The following PGCKA1 variants were observed in gnomAD, a reference collection of about 807,000 sequenced individuals.
The protein encoded by PGCKA1 is PDCD10 and GCKIII kinases-associated protein 1.
the PGCKA1 span, among the ~76,000 whole-genome samples, chr4:37,582,161 T>C: frequency 6.6e-6 from 1 of 152,192 alleles, no homozygotes; most frequent in Admixed American, 6.5e-5. Context: ...AGTTCAAGAT[T>C]GTCTTTCCTA....
chr4:37,473,097 A>G, the PGCKA1 span, among the ~76,000 whole-genome samples: 17 of 152,316 alleles, frequency 1.1e-4, no homozygotes, highest in Non-Finnish European at 2.4e-4. Flanking sequence ...AAGTATACAT[A>G]GGGAAAATTA....
chr4:37,527,722 T>A, the PGCKA1 span, among the ~76,000 whole-genome samples: 1 of 150,410 alleles, frequency 6.6e-6, no homozygotes, highest in Non-Finnish European at 1.5e-5. Flanking sequence ...CCCAGCTACT[T>A]GGGAGGCTGA....
chr4:37,482,822 G>A, the PGCKA1 span, among the ~76,000 whole-genome samples: 423 of 152,306 alleles, frequency 2.8e-3, 3 homozygotes, highest in African/African-American at 9.7e-3. Context: ...CTGTATCTCA[G>A]CTGCTTAGTT....
At chr4:37,493,952 C>T in the PGCKA1 span, among the ~76,000 whole-genome samples, 1 of 152,152 alleles carries the variant, frequency 6.6e-6, no homozygotes, top group South Asian at 2.1e-4. Flanking sequence ...TTATGTACCA[C>T]ATTTTCTTTA....
chr4:37,467,881 C>T, the PGCKA1 span, among the ~76,000 whole-genome samples: 3 of 152,192 alleles, frequency 2.0e-5, no homozygotes, highest in African/African-American at 2.4e-5. Flanking sequence ...GATTTCAGAT[C>T]TGAGGCAACA....
the PGCKA1 span, among the ~76,000 whole-genome samples, chr4:37,461,671 G>T: frequency 6.6e-6 from 1 of 151,982 alleles, no homozygotes; most frequent in Non-Finnish European, 1.5e-5. Context: ...GTAAAAGGAA[G>T]TTATGTGAGA....
the PGCKA1 span, among the ~76,000 whole-genome samples, chr4:37,479,334 A>T: frequency 7.2e-5 from 11 of 152,116 alleles, no homozygotes; most frequent in African/African-American, 2.7e-4. Flanking sequence ...GTTCCTAAGG[A>T]CCCAAAACCT....
the PGCKA1 span, among the ~76,000 whole-genome samples, chr4:37,548,373 T>C: frequency 1.3e-5 from 2 of 152,154 alleles, no homozygotes; most frequent in Admixed American, 6.5e-5. Flanking sequence ...GTTTTAAAAG[T>C]TTAAGCAAGT....
the PGCKA1 span, among the ~76,000 whole-genome samples, chr4:37,453,560 T>C: frequency 6.6e-6 from 1 of 152,102 alleles, no homozygotes; most frequent in Non-Finnish European, 1.5e-5. Context: ...TACACAACTA[T>C]TTGCCAGCGG....
At chr4:37,519,871 A>G in the PGCKA1 span, among the ~76,000 whole-genome samples, 27 of 152,310 alleles carry the variant, frequency 1.8e-4, no homozygotes, top group Non-Finnish European at 3.7e-4. Flanking sequence ...ACTTTTCGCC[A>G]TTCAATATGA....
At chr4:37,487,249 C>T in the PGCKA1 span, among the ~76,000 whole-genome samples, 1 of 152,180 alleles carries the variant, frequency 6.6e-6, no homozygotes, top group East Asian at 1.9e-4. Flanking sequence ...TGAACATTTT[C>T]AAGCTACAGA....
chr4:37,556,539 G>T, the PGCKA1 span, among the ~76,000 whole-genome samples: 3 of 152,126 alleles, frequency 2.0e-5, no homozygotes, highest in Non-Finnish European at 4.4e-5. Context: ...TGAGTGCTGG[G>T]ATTACAAGCA....
At chr4:37,548,075 CTGAAA>C in the PGCKA1 span, among the ~76,000 whole-genome samples, 5 of 150,566 alleles carry the variant, frequency 3.3e-5, no homozygotes, top group African/African-American at 1.2e-4. Context: ...AATTCTTGTC[CTGAAA>C]TAAATTAACT....
chr4:37,469,230 G>T, the PGCKA1 span, among the ~76,000 whole-genome samples: 1 of 152,110 alleles, frequency 6.6e-6, no homozygotes, highest in East Asian at 1.9e-4. Flanking sequence ...ATCACCTAGC[G>T]ACACCTTTCT....
chr4:37,576,093 C>A, the PGCKA1 span, among the ~76,000 whole-genome samples: 3 of 151,970 alleles, frequency 2.0e-5, no homozygotes, highest in Non-Finnish European at 4.4e-5. Context: ...TTTGTGGTTC[C>A]ACATACATTT....
chr4:37,530,184 T>G, the PGCKA1 span, among the ~76,000 whole-genome samples: 1 of 152,248 alleles, frequency 6.6e-6, no homozygotes, highest in Non-Finnish European at 1.5e-5. Flanking sequence ...AACCTGTGAT[T>G]CCTAACATTT....
the PGCKA1 span, among the ~76,000 whole-genome samples, chr4:37,480,452 C>T: frequency 5.3e-5 from 8 of 152,180 alleles, no homozygotes; most frequent in African/African-American, 1.2e-4. Flanking sequence ...GAGATCGCTC[C>T]GCTGCACTCC....
chr4:37,470,745 T>C, the PGCKA1 span, among the ~76,000 whole-genome samples: 2 of 152,220 alleles, frequency 1.3e-5, no homozygotes, highest in East Asian at 3.8e-4. Context: ...TGTAAGCCAG[T>C]TATTTTCAAA....
the PGCKA1 span, among the ~76,000 whole-genome samples, chr4:37,480,253 G>A: frequency 1.3e-5 from 2 of 152,244 alleles, no homozygotes; most frequent in African/African-American, 4.8e-5. Context: ...AGCACTTTGG[G>A]AGGCCAAGGC....
Sources: allele counts gnomAD v4.1 joint callset (sites outside exome capture counted in the v4.1 genomes callset), GRCh38; gene constraint gnomAD v4.1.1; transcripts MANE v1.5; gene names NCBI Gene and HGNC (gene_info 2026-07-23, HGNC 2026-07-21).